The following TRPC4 variants were observed in gnomAD, a reference collection of about 807,000 sequenced individuals.
TRPC4 encodes the protein short transient receptor potential channel 4.
Under a neutral mutation model 99.4 loss-of-function variants are expected in TRPC4, and 49 were observed. That is an observed-to-expected ratio of 0.49 (90% CI 0.39 to 0.63). The LOEUF is 0.63. TRPC4 is among the 20% of genes least tolerant of loss of function. The pLI is 0.00. For synonymous variants in TRPC4, 454 were observed against 425.9 expected (o/e 1.07, Z -0.81); for missense variants, 898 against 1,152.9 (o/e 0.78, Z 3.20).
chr13:37,803,712 C>T (rs183106458), intron 1 of TRPC4, among the ~76,000 whole-genome samples: 30 of 152,016 alleles, frequency 2.0e-4, no homozygotes, highest in Non-Finnish European at 3.8e-4. Context: ...CTATGAAGAT[C>T]CATTAATGTG....
chr13:37,632,244 T>TA lies in TRPC4; in HGVS notation c.*4658dup, dbSNP rs1211060900. Among the ~76,000 whole-genome samples the TA allele has an allele frequency of 6.6e-6, 1 of 152,194 alleles. No homozygotes were observed. The highest frequency in any genetic ancestry group is 2.4e-5 in the African/African-American group (1 of 41,456). ...TTGCAAGGCACAAATGCAAGCCACA[T>TA]ACGTATTTTTCAGTTTTCTAGTAGC... On this transcript the variant is annotated 3_prime_UTR_variant, in exon 11 of 11. Transcript: ENST00000379705.
intron 2 of TRPC4, among the ~76,000 whole-genome samples, chr13:37,762,800 T>C (rs1211897768): frequency 6.7e-6 from 1 of 149,820 alleles, no homozygotes; most frequent in Non-Finnish European, 1.5e-5. Context: ...CACACCAGCA[T>C]GGCACATGTA....
intron 2 of TRPC4, among the ~76,000 whole-genome samples, chr13:37,751,533 C>T (rs1955933516): frequency 6.6e-6 from 1 of 151,736 alleles, no homozygotes; most frequent in South Asian, 2.1e-4. Flanking sequence ...AAAATGTAAG[C>T]CATTCTAAAG....
At position 37,815,006 on chromosome 13, in the gene TRPC4, G is replaced by A. The variant is rs1276328150; in HGVS notation, c.-27-31646C>T. Among the ~76,000 whole-genome samples, 4 of 151,476 alleles carry A rather than the reference G, an allele frequency of 2.6e-5. No homozygotes were observed. The East Asian group carries it at 7.7e-4, about 29-fold the overall frequency. On this transcript the variant is annotated intron_variant, in intron 1 of 10. Transcript: ENST00000379705. The stretch of plus-strand genomic sequence containing the variant: ...TAAAGGTCAATAAAATTGATTTGAG[G>A]GTCAGAAAATAAACCCTTATGCTTA...
At chr13:37,649,755 AAAAAAC>A (rs1252064346) in intron 8 of TRPC4, among the ~76,000 whole-genome samples, 24 of 130,184 alleles carry the variant, frequency 1.8e-4, no homozygotes, top group African/African-American at 5.1e-4. Context: ...AAAAAAAAAA[AAAAAAC>A]AACAACAAAG....
At chr13:37,658,495 TA>T (rs1007459335) in intron 6 of TRPC4, among the ~76,000 whole-genome samples, 1 of 152,130 alleles carries the variant, frequency 6.6e-6, no homozygotes, top group Admixed American at 6.5e-5. Context: ...CATAAATTAA[TA>T]AAAAATTCAT....
chr13:37,717,734 G>T (rs988037653), intron 3 of TRPC4, among the ~76,000 whole-genome samples: 5 of 152,108 alleles, frequency 3.3e-5, no homozygotes, highest in African/African-American at 1.2e-4. Context: ...CTAGCCTCTA[G>T]AGTTGTGAGA....
In TRPC4 at chr13:37,674,379, G is replaced by C; in HGVS notation, c.1235-12C>G. ...TCCCCATATGAAGCCTGCAATTATA[G>C]AAAGATTCATTGTAAGTATGATTTC... On this transcript the variant is annotated splice_polypyrimidine_tract_variant and intron_variant, in intron 4 of 10. Coordinates refer to ENST00000379705, the MANE Select transcript of TRPC4 (RefSeq NM_016179.4). The C allele has an allele frequency of 6.3e-7, 1 of 1,594,964 alleles. No individual in the cohort carries two copies. Among genetic ancestry groups the C allele is most frequent in the South Asian group, 1.2e-5 (1 of 84,144 alleles).
intron 4 of TRPC4, among the ~76,000 whole-genome samples, chr13:37,690,595 CG>C (rs1378920396): frequency 1.3e-5 from 2 of 152,114 alleles, no homozygotes; most frequent in African/African-American, 4.8e-5. Flanking sequence ...GTGTCCTGCC[CG>C]GCCTGACCCT....
chr13:37,735,737 T>C lies in TRPC4; in HGVS notation c.897+10200A>G, dbSNP rs144487390. On this transcript the variant is annotated intron_variant, in intron 3 of 10. Coordinates refer to ENST00000379705, the MANE Select transcript of TRPC4 (RefSeq NM_016179.4). Reference sequence around the variant, plus strand: ...AGCCTAATGTTTTTGATTCTTGTTTTTGCCAAATGAAAGCTGCATCATAAA... The same window carrying C: ...AGCCTAATGTTTTTGATTCTTGTTTCTGCCAAATGAAAGCTGCATCATAAA... Among the ~76,000 whole-genome samples the C allele has an allele frequency of 8.8e-3, 1,337 of 152,304 alleles. 22 individuals carry two copies. Among genetic ancestry groups the C allele is most frequent in the African/African-American group, 0.03 (1,237 of 41,572 alleles).
chr13:37,760,449 G>A (rs1956193588), intron 2 of TRPC4, among the ~76,000 whole-genome samples: 1 of 151,944 alleles, frequency 6.6e-6, no homozygotes, highest in African/African-American at 2.4e-5. Flanking sequence ...GAAGGGGGAA[G>A]GGAAGTTATT....
chr13:37,637,737 A>T, intron 10 of TRPC4, 112 bp from the exon 11 acceptor site: 1 of 1,043,880 alleles, frequency 9.6e-7, no homozygotes, highest in Non-Finnish European at 1.4e-6. Context: ...AAAAACAAGG[A>T]TTCTACTCTA....
chr13:37,650,336 G>A (rs1176727171), intron 8 of TRPC4, among the ~76,000 whole-genome samples: 8 of 152,146 alleles, frequency 5.3e-5, no homozygotes, highest in African/African-American at 1.9e-4. Context: ...GAATATGAGT[G>A]TTAATTTCCA....
intron 10 of TRPC4, 92 bp downstream of exon 10, chr13:37,638,948 C>A: frequency 2.3e-6 from 3 of 1,307,356 alleles, no homozygotes; most frequent in South Asian, 2.4e-5. Context: ...CTGGAACACA[C>A]AGCTGCATTT....
At chr13:37,828,026 C>A (rs1958298512) in intron 1 of TRPC4, among the ~76,000 whole-genome samples, 1 of 152,140 alleles carries the variant, frequency 6.6e-6, no homozygotes, top group African/African-American at 2.4e-5. Context: ...GTGGGAGTGA[C>A]CCGATTTTCC....
intron 1 of TRPC4, among the ~76,000 whole-genome samples, chr13:37,812,870 A>G (rs1483821701): frequency 6.6e-6 from 1 of 152,014 alleles, no homozygotes; most frequent in Non-Finnish European, 1.5e-5. Context: ...ATCAGCCAAC[A>G]ATTGCTCCTT....
intron 1 of TRPC4, among the ~76,000 whole-genome samples, chr13:37,815,344 G>T (rs1010146031): frequency 6.6e-6 from 1 of 151,796 alleles, no homozygotes; most frequent in Admixed American, 6.6e-5. Context: ...AAAGAAGAAA[G>T]ACCCAGCTGT....
chr13:37,745,464 A>ATGCG (rs1955729031), intron 3 of TRPC4, among the ~76,000 whole-genome samples: 1 of 3,218 alleles, frequency 3.1e-4, no homozygotes, highest in Non-Finnish European at 1.1e-3. Context: ...ATATATATAT[A>ATGCG]TATATATATA....
rs774711703 is a variant in TRPC4, at chr13:37,753,577, G to GAA, written c.379-7123_379-7122insTT. On this transcript the variant is annotated intron_variant, in intron 2 of 10. Coordinates refer to ENST00000379705, the MANE Select transcript of TRPC4 (RefSeq NM_016179.4). ...AGAAAGAAAGAGAGAGAGAGAGAAAGAGAGAGAGAGAGAGAGAGAGAGAGA... is the reference window on the plus strand; with the variant it reads ...AGAAAGAAAGAGAGAGAGAGAGAAAGAAAGAGAGAGAGAGAGAGAGAGAGAGA... Among the ~76,000 whole-genome samples the GAA allele has an allele frequency of 5.0e-3, 513 of 103,490 alleles. 4 individuals carry two copies. Among genetic ancestry groups the GAA allele is most frequent in the Middle Eastern group, 0.047 (10 of 212 alleles). The allele number at this position is 103,490 out of a possible 152,430, so 67.9% of individuals were successfully genotyped here. A position where few individuals can be genotyped will look rare whatever the true frequency, so the allele number is the denominator to read the frequency against.
Sources: allele counts gnomAD v4.1 joint callset (sites outside exome capture counted in the v4.1 genomes callset), GRCh38; gene constraint gnomAD v4.1.1; transcripts MANE v1.5; gene names NCBI Gene and HGNC (gene_info 2026-07-23, HGNC 2026-07-21).